XPOT: variants seen among roughly 807,000 people sequenced by gnomAD.
The protein encoded by XPOT is exportin for tRNA.
Under a neutral mutation model 128.2 loss-of-function variants are expected in XPOT, and 34 were observed. The observed-to-expected ratio is 0.27, with a 90% confidence interval of 0.20 to 0.35. The LOEUF (loss-of-function observed/expected upper bound fraction) is 0.35, where lower values mean the gene tolerates loss of function less well. Ranked by LOEUF, XPOT falls within the 10% of genes least tolerant of loss-of-function variation. The pLI is 1.00. For missense variants in XPOT, 838 were observed against 1,125.3 expected, an observed-to-expected ratio of 0.74 and a Z score of 3.65; for synonymous variants, 348 against 394.3, an observed-to-expected ratio of 0.88 and a Z score of 1.39.
chr12:64,451,021 C>A lies in XPOT; in HGVS notation c.*2890C>A, dbSNP rs967144229. On this transcript the variant is annotated 3_prime_UTR_variant, in exon 25 of 25. Coordinates refer to ENST00000332707, the MANE Select transcript of XPOT (RefSeq NM_007235.6). The stretch of plus-strand genomic sequence containing the variant: ...GCTCTTGTCATTAGATATCAAAGAA[C>A]TGAAATTAGTTGGAATTGTAAGCAG... The A allele has an allele frequency of 6.6e-6, 1 of 152,202 alleles. No homozygotes were observed. The allele number at this position is 152,202 out of a possible 1,614,324, so 9.4% of individuals were successfully genotyped here. A position where few individuals can be genotyped will look rare whatever the true frequency, so the allele number is the denominator to read the frequency against.
At chr12:64,418,279 T>C (rs866956102) in intron 5 of XPOT, among the ~76,000 whole-genome samples, 164 bp downstream of exon 5, 42 of 152,216 alleles carry the variant, frequency 2.8e-4, no homozygotes, top group Non-Finnish European at 8.8e-5. Flanking sequence ...AGTGGTAGTT[T>C]AGCAATAATT....
chr12:64,438,521 T>C (rs957729042), intron 22 of XPOT, among the ~76,000 whole-genome samples: 1 of 151,942 alleles, frequency 6.6e-6, no homozygotes, highest in African/African-American at 2.4e-5. Flanking sequence ...GGGACTTAGA[T>C]CCAAGGTGAA....
chr12:64,425,304 TAAG>T (rs755494565), intron 13 of XPOT, 31 bp from the exon 14 acceptor site: 18 of 1,610,726 alleles, frequency 1.1e-5, no homozygotes, highest in East Asian at 2.2e-5. Context: ...TTGCAATAAA[TAAG>T]AAGAGGTTTC....
intron 2 of XPOT, among the ~76,000 whole-genome samples, chr12:64,412,741 G>C (rs2136012824): frequency 1.3e-5 from 2 of 152,258 alleles, no homozygotes; most frequent in Middle Eastern, 6.8e-3. Flanking sequence ...CATCCCACAA[G>C]TTATGGGCTC....
chr12:64,423,676 A>G (rs2136022364), intron 11 of XPOT, among the ~76,000 whole-genome samples: 1 of 151,670 alleles, frequency 6.6e-6, no homozygotes, highest in Middle Eastern at 3.4e-3. Context: ...TTGGTCTTGA[A>G]CTCCTGGCCT....
chr12:64,428,924 G>T (rs533213312), intron 16 of XPOT, among the ~76,000 whole-genome samples: 15 of 152,320 alleles, frequency 9.8e-5, no homozygotes, highest in African/African-American at 3.1e-4. Context: ...AAATGTGTAA[G>T]TGCATGTCAC....
At position 64,420,252 on chromosome 12, in the gene XPOT, T is replaced by C. The variant is rs766242215; in HGVS notation, c.672T>C (p.Asp224=). 1.3e-6 allele frequency: 2 copies of C among 1,592,656 alleles called. No homozygotes were observed. Among genetic ancestry groups the C allele is most frequent in the Admixed American group, 1.8e-5 (1 of 55,008 alleles). Residue 224 remains aspartate (D), a splice_region_variant and synonymous_variant, in exon 7 of 25, where the codon GAT becomes GAC. Transcript: ENST00000332707. ...SWIDLSLIAN[D]RFINMLLGHM... ...TAGACTTATCCCTTATAGCCAATGA[T>C]AGGTAAGTATGCCTATTATTTTTAT...
At chr12:64,411,478 A>G (rs2040037986) in intron 2 of XPOT, among the ~76,000 whole-genome samples, 1 of 152,290 alleles carries the variant, frequency 6.6e-6, no homozygotes, top group Admixed American at 6.5e-5. Context: ...TAAATGTGCC[A>G]TGATTTCTTT....
At chr12:64,405,264 A>G (rs2039967944) in intron 1 of XPOT, 1 of 152,208 alleles carries the variant, frequency 6.6e-6, no homozygotes, top group South Asian at 2.1e-4. Flanking sequence ...CGGACGCTCC[A>G]TTTCTTCTCA....
chr12:64,424,794 G>A (rs2040175041), intron 12 of XPOT, 71 bp downstream of exon 12: 17 of 1,559,290 alleles, frequency 1.1e-5, no homozygotes, highest in Non-Finnish European at 1.5e-5. Context: ...CAAAATAAAT[G>A]ATTCATATGA....
rs539054778 is a variant in XPOT at position 64,432,616 on chromosome 12, C to T, written c.2262+793C>T. Among the ~76,000 whole-genome samples the T allele has an allele frequency of 4.6e-5, 7 of 152,152 alleles. No homozygotes were observed. The East Asian group carries it at 1.4e-3, about 29-fold the overall frequency. ...TTACTCATTTGATCTTCATACCTACCCTAGAAGACAGGGATTATATGTTAT... is the reference window on the plus strand; with the variant it reads ...TTACTCATTTGATCTTCATACCTACTCTAGAAGACAGGGATTATATGTTAT... On this transcript the variant is annotated intron_variant, in intron 18 of 24. Transcript: ENST00000332707.
At chr12:64,441,072 T>A (rs2040321028) in intron 23 of XPOT, among the ~76,000 whole-genome samples, 1 of 152,210 alleles carries the variant, frequency 6.6e-6, no homozygotes, top group South Asian at 2.1e-4. Flanking sequence ...GTTTGGAGAC[T>A]TACATATAAA....
chr12:64,404,886 G>C (rs2039963862), intron 1 of XPOT, 82 bp downstream of exon 1: 1 of 118,222 alleles, frequency 8.5e-6, no homozygotes, highest in Non-Finnish European at 2.2e-5. Flanking sequence ...GGGGCGGACC[G>C]GCCCGGGGGA....
At chr12:64,436,369 C>T (rs1470491425) in intron 22 of XPOT, among the ~76,000 whole-genome samples, 1 of 152,108 alleles carries the variant, frequency 6.6e-6, no homozygotes, top group Non-Finnish European at 1.5e-5. Flanking sequence ...CTGATCCTCC[C>T]ATCTCAATCT....
chr12:64,426,046 G>A (rs762928877), intron 15 of XPOT, 137 bp downstream of exon 15: 3 of 758,460 alleles, frequency 4.0e-6, no homozygotes, highest in Non-Finnish European at 6.6e-6. Context: ...GGCCAGGTAT[G>A]GTGGCTCATG....
intron 3 of XPOT, among the ~76,000 whole-genome samples, chr12:64,415,602 A>C (rs1264119495): frequency 6.6e-6 from 1 of 151,956 alleles, no homozygotes; most frequent in African/African-American, 2.4e-5. Context: ...GATGGTCTCG[A>C]TCTCCTGACC....
intron 1 of XPOT, among the ~76,000 whole-genome samples, chr12:64,407,656 A>G (rs1400950803): frequency 6.6e-6 from 1 of 152,170 alleles, no homozygotes; most frequent in Non-Finnish European, 1.5e-5. Flanking sequence ...AGCAGGGGTT[A>G]ACCTACTAAC....
At position 64,434,176 on chromosome 12, in the gene XPOT, A is replaced by AT. The variant is rs1157818854; in HGVS notation, c.2453-325dup. Among the ~76,000 whole-genome samples, 3 of 152,052 alleles carry AT rather than the reference A, an allele frequency of 2.0e-5. No individual in the cohort carries two copies. In the East Asian group the frequency reaches 5.8e-4, roughly 29 times the overall value. On this transcript the variant is annotated intron_variant, in intron 19 of 24. Transcript: ENST00000332707. ...TGGCAGTTGCCACAATGCTGGGCTT[A>AT]TTTTTTGTAGAGATGGGATCTCACC...
chr12:64,421,130 TA>T, intron 8 of XPOT, 104 bp from the exon 9 acceptor site: 1 of 877,074 alleles, frequency 1.1e-6, no homozygotes, highest in Non-Finnish European at 1.8e-6. Flanking sequence ...GACGTCATTT[TA>T]AAATTGAATC....
Sources: gnomAD v4.1 joint callset for allele counts (sites outside exome capture counted in the v4.1 genomes callset) on GRCh38, gnomAD v4.1.1 for gene constraint, MANE v1.5 for transcripts, NCBI Gene and HGNC (gene_info 2026-07-23, HGNC 2026-07-21) for gene names.